The following PRKN variants were observed in gnomAD, a reference collection of about 807,000 sequenced individuals.
PRKN encodes the protein E3 ubiquitin-protein ligase parkin.
Under a neutral mutation model 59.5 loss-of-function variants are expected in PRKN, and 56 were observed. That is an observed-to-expected ratio of 0.94 (90% CI 0.76 to 1.18). The LOEUF (loss-of-function observed/expected upper bound fraction) is 1.18. PRKN is among the 50% of genes most tolerant of loss of function. PRKN has a pLI of 0.00. For missense variants in PRKN, 657 were observed against 596.4 expected, an observed-to-expected ratio of 1.10 and a Z score of -1.06; for synonymous variants, 250 against 222.1, an observed-to-expected ratio of 1.13 and a Z score of -1.12.
chr6:162,239,930 T>C (rs536160542), intron 3 of PRKN, among the ~76,000 whole-genome samples: 162 of 152,318 alleles, frequency 1.1e-3, no homozygotes, highest in Non-Finnish European at 1.8e-3. Flanking sequence ...GGCTTCAGTC[T>C]GTGTTCACAA....
chr6:162,686,758 C>T (rs983377473), intron 1 of PRKN, among the ~76,000 whole-genome samples: 1 of 152,116 alleles, frequency 6.6e-6, no homozygotes, highest in Non-Finnish European at 1.5e-5. Context: ...ACATATACTC[C>T]TGAGAACATC....
Position 161,592,617 on chromosome 6 carries a change from A to G in PRKN, c.872-23201T>C, listed in dbSNP as rs142469659. On this transcript the variant is annotated intron_variant, in intron 7 of 11. Transcript: ENST00000366898. This position sits in a 1 kb window ranked among gnomAD's most constrained non-coding sequence, Gnocchi z 4.8. ...TAGATGATACTTAAGTACACAAACT[A>G]AAGAGAGAAAACCCTAAGGGCTATG... Among the ~76,000 whole-genome samples, 17 of 152,150 alleles carry G rather than the reference A, an allele frequency of 1.1e-4. No homozygotes were observed. The highest frequency in any genetic ancestry group is 2.4e-4 in the Non-Finnish European group (16 of 68,024).
At chr6:162,464,031 G>A (rs1163741660) in intron 1 of PRKN, among the ~76,000 whole-genome samples, 5 of 152,120 alleles carry the variant, frequency 3.3e-5, no homozygotes, top group Non-Finnish European at 7.4e-5. Flanking sequence ...AGACTGCCCT[G>A]ACCTTTTTTT....
At chr6:162,363,087 CA>C (rs1785231736) in intron 2 of PRKN, among the ~76,000 whole-genome samples, 1 of 148,806 alleles carries the variant, frequency 6.7e-6, no homozygotes, top group Non-Finnish European at 1.5e-5. Context: ...AAGATCACAC[CA>C]CTGCACTCCA....
At chr6:162,600,145 GTTCCC>G (rs1157373852) in intron 1 of PRKN, among the ~76,000 whole-genome samples, 2 of 152,060 alleles carry the variant, frequency 1.3e-5, no homozygotes, top group Non-Finnish European at 2.9e-5. Flanking sequence ...CAGTAACAGC[GTTCCC>G]TAACTCTCAG....
chr6:162,374,056 G>GTTTAC (rs1334803442), intron 2 of PRKN, among the ~76,000 whole-genome samples: 4 of 152,174 alleles, frequency 2.6e-5, no homozygotes, highest in Admixed American at 6.5e-5. Context: ...GTTATAGCCT[G>GTTTAC]ATTACACAGT....
chr6:162,213,420 C>T (rs1172139652), intron 3 of PRKN, among the ~76,000 whole-genome samples: 1 of 151,942 alleles, frequency 6.6e-6, no homozygotes, highest in African/African-American at 2.4e-5. Context: ...GGGAAGGAGC[C>T]TAGCATGCTC....
intron 1 of PRKN, among the ~76,000 whole-genome samples, chr6:162,682,493 A>T (rs547874900): frequency 1.3e-5 from 2 of 152,328 alleles, no homozygotes; most frequent in African/African-American, 4.8e-5. Flanking sequence ...TAAGCAAATT[A>T]GTGCAAAAAC....
At chr6:161,954,984 T>C (rs1780117230) in intron 6 of PRKN, among the ~76,000 whole-genome samples, 1 of 152,112 alleles carries the variant, frequency 6.6e-6, no homozygotes, top group Admixed American at 6.6e-5. Context: ...AATCTTAAAT[T>C]TGGAACTAAA....
At chr6:161,752,406 G>T (rs763390025) in intron 7 of PRKN, among the ~76,000 whole-genome samples, 1 of 151,950 alleles carries the variant, frequency 6.6e-6, no homozygotes, top group Non-Finnish European at 1.5e-5. Flanking sequence ...CAAAAAACTC[G>T]CTCAAGGTTG....
In PRKN at chr6:162,252,502, T is replaced by C. The variant is rs145684284; in HGVS notation, c.412+10023A>G. Reference sequence around the variant, plus strand: ...CCCAAATAATTCAGATGTTGAAACCTAATCACCAATGTGATGGCATTCAGA... The same window carrying C: ...CCCAAATAATTCAGATGTTGAAACCCAATCACCAATGTGATGGCATTCAGA... On this transcript the variant is annotated intron_variant, in intron 3 of 11. Transcript: ENST00000366898. Among the ~76,000 whole-genome samples the C allele has an allele frequency of 1.6e-4, 24 of 152,322 alleles. No homozygotes were observed. The East Asian group carries it at 4.3e-3, about 27-fold the overall frequency.
rs547494947 is a variant in PRKN, at chr6:162,417,455, G to A, written c.171+25855C>T. On this transcript the variant is annotated intron_variant, in intron 2 of 11. Coordinates refer to ENST00000366898, the MANE Select transcript of PRKN (RefSeq NM_004562.3). ...CATGCTGGCAGCTGTGGGGGCAGAAGACTGAGGAAGAGTGAGAGATGACCA... is the reference window on the plus strand; with the variant it reads ...CATGCTGGCAGCTGTGGGGGCAGAAAACTGAGGAAGAGTGAGAGATGACCA... Among the ~76,000 whole-genome samples the A allele has an allele frequency of 3.3e-5, 5 of 152,350 alleles. No individual in the cohort carries two copies. The South Asian group carries it at 1.0e-3, about 32-fold the overall frequency.
At position 161,945,745 on chromosome 6, in the gene PRKN, GA is replaced by G. The variant is rs572755899; in HGVS notation, c.734+27556del. ...TTTCAAAATCCCACCTGCACTTCGAGATTCAGTTCAGCTCACAGATCCATCT... is the reference window on the plus strand; with the variant it reads ...TTTCAAAATCCCACCTGCACTTCGAGTTCAGTTCAGCTCACAGATCCATCT... On this transcript the variant is annotated intron_variant, in intron 6 of 11. Coordinates refer to ENST00000366898, the MANE Select transcript of PRKN (RefSeq NM_004562.3). Among the ~76,000 whole-genome samples the G allele has an allele frequency of 9.7e-4, 148 of 152,220 alleles. 1 individual carries two copies. The highest frequency in any genetic ancestry group is 3.5e-3 in the African/African-American group (145 of 41,536).
intron 4 of PRKN, among the ~76,000 whole-genome samples, chr6:162,070,162 C>A (rs185962441): frequency 6.6e-6 from 1 of 152,322 alleles, no homozygotes; most frequent in East Asian, 1.9e-4. Flanking sequence ...AGAACTGTTT[C>A]CCAACAAAAC....
chr6:161,368,281 A>C (rs1013812315), intron 10 of PRKN, among the ~76,000 whole-genome samples: 18 of 101,034 alleles, frequency 1.8e-4, no homozygotes, highest in African/African-American at 8.7e-4. Flanking sequence ...ATATATATGT[A>C]TATATTTATA....
chr6:162,250,254 G>A (rs1429353819), intron 3 of PRKN, among the ~76,000 whole-genome samples: 1 of 152,082 alleles, frequency 6.6e-6, no homozygotes, highest in South Asian at 2.1e-4. Context: ...TAGACAACTA[G>A]ATGTCCTTTT....
intron 2 of PRKN, among the ~76,000 whole-genome samples, chr6:162,392,105 C>T (rs770534023): frequency 2.0e-5 from 3 of 151,694 alleles, no homozygotes; most frequent in Non-Finnish European, 4.4e-5. Flanking sequence ...GTTTTCATTG[C>T]TAATCCAGTA....
intron 6 of PRKN, among the ~76,000 whole-genome samples, chr6:161,939,225 A>G (rs1649467283): frequency 1.3e-5 from 2 of 151,326 alleles, no homozygotes; most frequent in Non-Finnish European, 2.9e-5. Context: ...CCAGACCAGC[A>G]TGGCCAACAT....
At chr6:162,323,588 A>G (rs1232726967) in intron 2 of PRKN, among the ~76,000 whole-genome samples, 3 of 152,132 alleles carry the variant, frequency 2.0e-5, no homozygotes, top group Non-Finnish European at 4.4e-5. Context: ...AAATACTAAG[A>G]AAAAGATTTA....
Sources: allele counts gnomAD v4.1 joint callset (sites outside exome capture counted in the v4.1 genomes callset), GRCh38; gene constraint gnomAD v4.1.1; non-coding constraint Gnocchi (gnomAD v3.1); transcripts MANE v1.5; gene names NCBI Gene and HGNC (gene_info 2026-07-23, HGNC 2026-07-21).